Variants in ABLIM2 observed in about 807,000 individuals in gnomAD.
The protein encoded by ABLIM2 is actin binding LIM protein family member 2.
ABLIM2 carries 53 observed loss-of-function variants against 97.7 expected under a neutral mutation model. The ratio of observed to expected loss-of-function variants is 0.54; its 90% CI spans 0.44 to 0.68. The LOEUF (loss-of-function observed/expected upper bound fraction) is 0.68, where lower values mean the gene tolerates loss of function less well. Ranked by LOEUF, ABLIM2 falls within the 30% of genes least tolerant of loss-of-function variation. The pLI is 0.00. For missense variants in ABLIM2, 835 were observed against 867.2 expected (o/e 0.96, Z 0.47); for synonymous variants, 361 against 345.8 (o/e 1.04, Z -0.49).
chr4:8,123,641 G>T lies in ABLIM2; in HGVS notation c.11-17004C>A, dbSNP rs1171323211. ...TGTGACATTCACTAACCACCTGCAT[G>T]ACAGAGGCAGCCAGCCCCTGCCTTA... On this transcript the variant is annotated intron_variant, in intron 1 of 20. Transcript: ENST00000447017. The surrounding 1 kb of genome is among the most constrained non-coding windows in gnomAD (Gnocchi z 6.2). 6.6e-6 allele frequency among the ~76,000 whole-genome samples: 1 copy of T among 152,244 alleles called. No homozygotes were observed. Among genetic ancestry groups the T allele is most frequent in the African/African-American group, 2.4e-5 (1 of 41,474 alleles).
intron 2 of ABLIM2, among the ~76,000 whole-genome samples, chr4:8,104,123 G>T (rs1219034465): frequency 6.6e-6 from 1 of 152,186 alleles, no homozygotes; most frequent in African/African-American, 2.4e-5. Context: ...GCGCTGACAC[G>T]CCCCCTTTGC....
At position 8,075,450 on chromosome 4, in the gene ABLIM2, T is replaced by C. The variant is rs1024495156; in HGVS notation, c.675+2178A>G. Among the ~76,000 whole-genome samples, 19 of 152,308 alleles carry C rather than the reference T, an allele frequency of 1.2e-4. No individual in the cohort carries two copies. Among genetic ancestry groups the C allele is most frequent in the African/African-American group, 4.3e-4 (18 of 41,576 alleles). On this transcript the variant is annotated intron_variant, in intron 6 of 20. Transcript: ENST00000447017. This position sits in a 1 kb window ranked among gnomAD's most constrained non-coding sequence, Gnocchi z 4.4. ...ACTCACACCTGTAATCCCAGCACTT[T>C]GGGCGGTGAAGGCAGGTGAATTGCT... is the stretch of plus-strand genomic sequence containing the variant.
At chr4:8,136,216 A>T (rs6850027) in intron 1 of ABLIM2, among the ~76,000 whole-genome samples, 21,086 of 152,188 alleles carry the variant, frequency 0.14, 1,898 homozygotes, top group African/African-American at 0.26. Context: ...ACAGGATGCC[A>T]CTTATATGAG....
intron 3 of ABLIM2, among the ~76,000 whole-genome samples, chr4:8,094,713 T>C (rs1295766754): frequency 6.6e-6 from 1 of 152,234 alleles, no homozygotes; most frequent in Non-Finnish European, 1.5e-5. Flanking sequence ...TTCTTCTTTC[T>C]TTGGAGGCAG....
intron 16 of ABLIM2, among the ~76,000 whole-genome samples, chr4:7,997,928 C>T (rs1381744801): frequency 6.6e-6 from 1 of 151,452 alleles, no homozygotes; most frequent in Non-Finnish European, 1.5e-5. Context: ...GTTGCCCAGG[C>T]TGGAGTGCAA....
In ABLIM2 at chr4:8,004,002, C is replaced by T. The variant is rs750593036; in HGVS notation, c.1618+4057G>A. The stretch of plus-strand genomic sequence containing the variant: ...TAGCACGTCAGGGAGGCTCTTCCTT[C>T]GACCACGGACTAAGGAACGCGAGAA... On this transcript the variant is annotated intron_variant, in intron 16 of 20. Transcript: ENST00000447017. This position sits in a 1 kb window ranked among gnomAD's most constrained non-coding sequence, Gnocchi z 5.9. Among the ~76,000 whole-genome samples, 5 of 152,102 alleles carry T rather than the reference C, an allele frequency of 3.3e-5. No individual in the cohort carries two copies. The highest frequency in any genetic ancestry group is 4.8e-5 in the African/African-American group (2 of 41,424).
intron 1 of ABLIM2, among the ~76,000 whole-genome samples, chr4:8,157,301 A>T (rs1715677732): frequency 6.6e-6 from 1 of 152,178 alleles, no homozygotes; most frequent in African/African-American, 2.4e-5. Flanking sequence ...AAGAAGCATA[A>T]AATTACTCTG....
intron 8 of ABLIM2, among the ~76,000 whole-genome samples, chr4:8,052,416 T>G (rs886153525): frequency 1.3e-5 from 2 of 152,256 alleles, no homozygotes; most frequent in Non-Finnish European, 2.9e-5. Flanking sequence ...GAATGAATCA[T>G]GGACTGCAGC....
At chr4:8,031,018 C>T (rs754493039) in intron 10 of ABLIM2, among the ~76,000 whole-genome samples, 7 of 152,340 alleles carry the variant, frequency 4.6e-5, no homozygotes, top group Admixed American at 2.0e-4. Flanking sequence ...GGAGAAGCCA[C>T]GGAAGGGGCT....
At chr4:8,081,398 A>T (rs1006120761) in intron 4 of ABLIM2, among the ~76,000 whole-genome samples, 1 of 152,108 alleles carries the variant, frequency 6.6e-6, no homozygotes, top group Non-Finnish European at 1.5e-5. Flanking sequence ...CCTGTGTCCC[A>T]GGGCCTGGTC....
At chr4:8,063,248 T>C (rs1804621266) in intron 6 of ABLIM2, among the ~76,000 whole-genome samples, 1 of 152,316 alleles carries the variant, frequency 6.6e-6, no homozygotes, top group South Asian at 2.1e-4. Context: ...GTATTTTTAG[T>C]AGAGATGGGG....
intron 1 of ABLIM2, among the ~76,000 whole-genome samples, chr4:8,142,151 T>C (rs1383688641): frequency 6.6e-6 from 1 of 152,226 alleles, no homozygotes; most frequent in African/African-American, 2.4e-5. Flanking sequence ...ACTAACCCTC[T>C]TTCCTGGATC....
chr4:7,980,852 T>A (rs1039434750), intron 20 of ABLIM2, among the ~76,000 whole-genome samples: 1 of 151,318 alleles, frequency 6.6e-6, no homozygotes, highest in African/African-American at 2.4e-5. Flanking sequence ...AAAGTCCGAA[T>A]AGGAAACATT....
chr4:8,104,003 A>G (rs1404763064), intron 2 of ABLIM2, among the ~76,000 whole-genome samples: 1 of 152,256 alleles, frequency 6.6e-6, no homozygotes, highest in Non-Finnish European at 1.5e-5. Context: ...TGCACCAGCT[A>G]AATCCCACGA....
chr4:7,985,435 T>C (rs1743031744), intron 17 of ABLIM2, among the ~76,000 whole-genome samples: 1 of 152,114 alleles, frequency 6.6e-6, no homozygotes, highest in African/African-American at 2.4e-5. Context: ...GGGGGAAGAC[T>C]GGCTGCCGTC....
chr4:7,980,227 T>C (rs887644575), intron 20 of ABLIM2, among the ~76,000 whole-genome samples: 4 of 152,148 alleles, frequency 2.6e-5, no homozygotes, highest in African/African-American at 9.7e-5. Context: ...GTCAGACATG[T>C]CTCATTCTAC....
intron 1 of ABLIM2, among the ~76,000 whole-genome samples, chr4:8,108,616 G>A (rs1015775049): frequency 6.6e-6 from 1 of 152,234 alleles, no homozygotes; most frequent in African/African-American, 2.4e-5. Context: ...TTTCCAGTTA[G>A]GATCATTTGG....
chr4:8,008,294 A>G (rs926285423), intron 15 of ABLIM2, 94 bp from the exon 16 acceptor site: 1 of 1,233,494 alleles, frequency 8.1e-7, no homozygotes, highest in Non-Finnish European at 1.1e-6. Context: ...CTTACTTCTA[A>G]CATACGAGCT....
intron 20 of ABLIM2, among the ~76,000 whole-genome samples, chr4:7,980,099 A>AAATTAATTC (rs1319851967): frequency 1.3e-5 from 2 of 152,138 alleles, no homozygotes; most frequent in East Asian, 3.9e-4. Flanking sequence ...TGTAAGCCAA[A>AAATTAATTC]AATTAATTCT....
Sources: gnomAD v4.1 joint callset for allele counts (sites outside exome capture counted in the v4.1 genomes callset) on GRCh38, gnomAD v4.1.1 for gene constraint, Gnocchi (gnomAD v3.1) non-coding constraint, MANE v1.5 for transcripts, NCBI Gene and HGNC (gene_info 2026-07-23, HGNC 2026-07-21) for gene names.